TRIQK: variants seen among roughly 807,000 people sequenced by gnomAD.
TRIQK encodes the protein triple QxxK/R motif-containing protein.
TRIQK carries 10 observed loss-of-function variants against 10.8 expected under a neutral mutation model. The ratio of observed to expected loss-of-function variants is 0.92; its 90% CI spans 0.57 to 1.57. The LOEUF (loss-of-function observed/expected upper bound fraction) is 1.57, where lower values mean the gene tolerates loss of function less well. Among genes scored for constraint, TRIQK ranks in the 40% most tolerant of loss-of-function variants. TRIQK has a pLI of 0.00. For synonymous variants in TRIQK, 33 were observed against 33.7 expected (o/e 0.98, Z 0.07); for missense variants, 107 against 97.7 (o/e 1.09, Z -0.40).
intron 1 of TRIQK, among the ~76,000 whole-genome samples, chr8:93,007,044 T>G (rs950329647): frequency 6.6e-6 from 1 of 152,180 alleles, no homozygotes; most frequent in Non-Finnish European, 1.5e-5. Context: ...CCGTACCTCC[T>G]GACTGGGTGA....
intron 1 of TRIQK, among the ~76,000 whole-genome samples, chr8:92,962,872 G>A (rs1426237955): frequency 6.6e-6 from 1 of 152,178 alleles, no homozygotes; most frequent in Non-Finnish European, 1.5e-5. Context: ...CTAAAGTCTA[G>A]GTTCTGGGAA....
chr8:93,006,034 CAAAAA>C lies in TRIQK; in HGVS notation c.-181+11570_-181+11574del, dbSNP rs58693078. On this transcript the variant is annotated intron_variant, in intron 1 of 4. Transcript: ENST00000520686. ...AATAGCGAACTATCTAAAAAATAAG[CAAAAA>C]AAAAAAAAAATCCTATTTACAATAG... 1.5e-3 allele frequency among the ~76,000 whole-genome samples: 195 copies of C among 130,972 alleles called. 1 individual carries two copies. Among genetic ancestry groups the C allele is most frequent in the African/African-American group, 4.5e-3 (170 of 38,106 alleles). The allele number at this position is 130,972 out of a possible 152,430, so 85.9% of individuals were successfully genotyped here.
At chr8:92,976,888 G>A (rs890562875) in intron 1 of TRIQK, among the ~76,000 whole-genome samples, 2 of 151,836 alleles carry the variant, frequency 1.3e-5, no homozygotes, top group Admixed American at 1.3e-4. Flanking sequence ...TATAGTTAAA[G>A]AAGCTTGATG....
intron 2 of TRIQK, among the ~76,000 whole-genome samples, chr8:92,952,998 T>C (rs1040764198): frequency 2.6e-5 from 4 of 152,016 alleles, no homozygotes; most frequent in African/African-American, 9.7e-5. Context: ...GACATTGAAA[T>C]TTGGGCTTGC....
upstream of TRIQK, among the ~76,000 whole-genome samples, chr8:92,968,166 G>A (rs973744784): frequency 6.6e-6 from 1 of 152,134 alleles, no homozygotes; most frequent in Admixed American, 6.5e-5. Flanking sequence ...ATTCTATGGT[G>A]TATATGTGCC....
chr8:92,991,357 G>A (rs1245653504), intron 1 of TRIQK, among the ~76,000 whole-genome samples: 1 of 152,214 alleles, frequency 6.6e-6, no homozygotes, highest in Non-Finnish European at 1.5e-5. Context: ...CTGCCTGCCA[G>A]CTCTGAAGAG....
intron 1 of TRIQK, among the ~76,000 whole-genome samples, chr8:93,013,588 A>G (rs1813357415): frequency 6.6e-6 from 1 of 152,228 alleles, no homozygotes; most frequent in Non-Finnish European, 1.5e-5. Context: ...ATTTTCAAAT[A>G]GTGTGGTCTG....
intron 1 of TRIQK, among the ~76,000 whole-genome samples, chr8:92,957,228 G>A (rs551965644): frequency 8.2e-4 from 124 of 151,584 alleles, no homozygotes; most frequent in African/African-American, 2.9e-3. Context: ...ACATACATGT[G>A]TACATAACCA....
At chr8:92,958,253 A>G (rs1053533723) in intron 1 of TRIQK, among the ~76,000 whole-genome samples, 1 of 151,908 alleles carries the variant, frequency 6.6e-6, no homozygotes, top group Admixed American at 6.6e-5. Context: ...TATTATACTT[A>G]TTTCAATGTT....
At chr8:92,918,652 CT>C (rs1368665675) in intron 2 of TRIQK, among the ~76,000 whole-genome samples, 1 of 151,888 alleles carries the variant, frequency 6.6e-6, no homozygotes, top group East Asian at 1.9e-4. Context: ...CAAATACTTT[CT>C]CATATTTTGT....
At chr8:92,964,417 G>T (rs1373737982) in intron 1 of TRIQK, among the ~76,000 whole-genome samples, 1 of 149,638 alleles carries the variant, frequency 6.7e-6, no homozygotes, top group Non-Finnish European at 1.5e-5. Flanking sequence ...AGTCATCCTC[G>T]CATTAAAAGG....
At chr8:93,007,442 A>C (rs1249334396) in intron 1 of TRIQK, among the ~76,000 whole-genome samples, 1 of 152,212 alleles carries the variant, frequency 6.6e-6, no homozygotes, top group East Asian at 1.9e-4. Flanking sequence ...ACGAGAAAAC[A>C]CTGAAAACTC....
At chr8:92,945,072 A>G (rs1244286354) in intron 2 of TRIQK, among the ~76,000 whole-genome samples, 1 of 152,208 alleles carries the variant, frequency 6.6e-6, no homozygotes, top group Non-Finnish European at 1.5e-5. Context: ...GCATATTTAC[A>G]TATGATAAAT....
At chr8:92,892,218 T>C in intron 3 of TRIQK, 144 bp from the exon 4 acceptor site, 1 of 550,504 alleles carries the variant, frequency 1.8e-6, no homozygotes, top group Non-Finnish European at 3.1e-6. Flanking sequence ...AACCATAAAC[T>C]TGTCACCAAA....
At chr8:92,974,069 C>G (rs959536890) in intron 1 of TRIQK, 10 of 152,292 alleles carry the variant, frequency 6.6e-5, no homozygotes, top group African/African-American at 2.4e-4. Flanking sequence ...GTGCCATCAA[C>G]AGCAGCAACC....
upstream of TRIQK, among the ~76,000 whole-genome samples, chr8:92,967,613 G>A (rs1047184913): frequency 3.3e-5 from 5 of 151,930 alleles, no homozygotes; most frequent in Non-Finnish European, 7.4e-5. Flanking sequence ...CCTGAGGTCA[G>A]GAGTTCCAGA....
chr8:92,993,346 G>T (rs1467417190), intron 1 of TRIQK, among the ~76,000 whole-genome samples: 3 of 151,676 alleles, frequency 2.0e-5, no homozygotes, highest in African/African-American at 7.3e-5. Context: ...CTCATCTCTG[G>T]CTTTCCTCTT....
intron 1 of TRIQK, among the ~76,000 whole-genome samples, chr8:92,995,313 T>C (rs193191633): frequency 1.3e-5 from 2 of 152,216 alleles, no homozygotes; most frequent in East Asian, 3.9e-4. Context: ...CTTTAGTTTT[T>C]AACTTATTCT....
chr8:93,013,241 G>A (rs1027558877), intron 1 of TRIQK, among the ~76,000 whole-genome samples: 1 of 152,108 alleles, frequency 6.6e-6, no homozygotes, highest in Non-Finnish European at 1.5e-5. Context: ...GATTCGATAA[G>A]CTTTTATTGA....
Sources: allele counts gnomAD v4.1 joint callset (sites outside exome capture counted in the v4.1 genomes callset), GRCh38; gene constraint gnomAD v4.1.1; transcripts MANE v1.5; gene names NCBI Gene and HGNC (gene_info 2026-07-23, HGNC 2026-07-21).